BLOC1S3: variants seen among roughly 807,000 people sequenced by gnomAD.
The protein encoded by BLOC1S3 is biogenesis of lysosome-related organelles complex 1 subunit 3.
Under a neutral mutation model 9.1 loss-of-function variants are expected in BLOC1S3, and 7 were observed. The ratio of observed to expected loss-of-function variants is 0.77; its 90% CI spans 0.44 to 1.45. The LOEUF (loss-of-function observed/expected upper bound fraction) is 1.45, where lower values mean the gene tolerates loss of function less well. Among genes scored for constraint, BLOC1S3 ranks in the 40% most tolerant of loss-of-function variants. The pLI is 0.01. For synonymous variants in BLOC1S3, 145 were observed against 158.4 expected (o/e 0.92, Z 0.64); for missense variants, 307 against 315.2 (o/e 0.97, Z 0.20).
chr19:45,213,105 C>G, intron 3 of BLOC1S3: 4 of 1,535,806 alleles, frequency 2.6e-6, no homozygotes, highest in Non-Finnish European at 3.5e-6. Flanking sequence ...GAGACGGAGG[C>G]CGGGGCCGAG....
At chr19:45,194,985 G>A (rs1416606006) in intron 2 of BLOC1S3, among the ~76,000 whole-genome samples, 3 of 149,432 alleles carry the variant, frequency 2.0e-5, no homozygotes, top group Non-Finnish European at 3.0e-5. Flanking sequence ...AGGCTGGAGT[G>A]CAATGACATG....
rs377601781 is a variant in BLOC1S3 at position 45,197,501 on chromosome 19, A to G, written n.181-4905A>G. ...GACTCTGTCTCAACAACAACCACCA[A>G]AAAAAAAGAAGAAGAAGAAAAAGAA... is the stretch of plus-strand genomic sequence containing the variant. On this transcript the variant is annotated intron_variant and non_coding_transcript_variant, in intron 2 of 3. Coordinates refer to the BLOC1S3 transcript ENST00000591569. Among the ~76,000 whole-genome samples the G allele has an allele frequency of 6.4e-4, 97 of 150,438 alleles. 4 individuals are homozygous for G. In the East Asian group the frequency reaches 0.015, roughly 23 times the overall value.
At chr19:45,178,967 T>C (rs1171906698) in intron 1 of BLOC1S3, 136 bp downstream of exon 1, 1 of 267,294 alleles carries the variant, frequency 3.7e-6, no homozygotes, top group African/African-American at 2.2e-5. Flanking sequence ...GGTCTGAGAT[T>C]GGCATGGTGG....
intron 3 of BLOC1S3, among the ~76,000 whole-genome samples, chr19:45,209,712 TGCC>T: frequency 1.3e-5 from 2 of 151,654 alleles, no homozygotes; most frequent in Non-Finnish European, 2.9e-5. Context: ...TGAGCCACCA[TGCC>T]CGGCCTATTT....
intron 3 of BLOC1S3, among the ~76,000 whole-genome samples, chr19:45,205,213 T>A (rs902399001): frequency 6.6e-6 from 1 of 152,012 alleles, no homozygotes; most frequent in African/African-American, 2.4e-5. Flanking sequence ...TCGCCCAGAC[T>A]GGAGTACAGT....
At chr19:45,216,015 G>T in intron 3 of BLOC1S3, 1 of 1,599,232 alleles carries the variant, frequency 6.3e-7, no homozygotes. Flanking sequence ...CGGATGCCAA[G>T]GCCGCCAGGA....
At chr19:45,185,833 C>A (rs111275953), downstream of BLOC1S3, among the ~76,000 whole-genome samples, 351 of 152,004 alleles carry the variant, frequency 2.3e-3, 1 homozygote, top group African/African-American at 8.2e-3. Context: ...CTAGATGGGT[C>A]AGGTGCGGTG....
intron 3 of BLOC1S3, among the ~76,000 whole-genome samples, chr19:45,216,409 T>C (rs895060638): frequency 6.6e-6 from 1 of 151,684 alleles, no homozygotes; most frequent in African/African-American, 2.4e-5. Context: ...TGAAACCCCA[T>C]CTCTACTAAA....
chr19:45,179,450 A>C lies in BLOC1S3; in HGVS notation c.154A>C (p.Thr52Pro), dbSNP rs968002575. The change falls in exon 2 of 2, where the codon ACG becomes CCG. Residue 52 changes from threonine to proline, a missense_variant. By Grantham distance (38) the Thr-to-Pro change is conservative. Coordinates refer to ENST00000433642, the MANE Select transcript of BLOC1S3 (RefSeq NM_212550.5). This position sits in a 1 kb window ranked among gnomAD's most constrained non-coding sequence, Gnocchi z 4.6. ...GPSGPTRGRP[T>P]GLRVAGEAAE... is the part of the protein sequence containing the mutation. ...TTCGGGCCCGACGCGCGGCCGCCCCACGGGGCTGCGGGTGGCTGGGGAAGC... is the reference window on the plus strand; with the variant it reads ...TTCGGGCCCGACGCGCGGCCGCCCCCCGGGGCTGCGGGTGGCTGGGGAAGC... 89 of 1,526,914 alleles carry C rather than the reference A, an allele frequency of 5.8e-5. No individual in the cohort carries two copies. The highest frequency in any genetic ancestry group is 7.2e-5 in the Non-Finnish European group (82 of 1,143,120). 94.6% of individuals were successfully genotyped at this position (1,526,914 alleles called of 1,614,324 possible).
chr19:45,188,882 A>G (rs1358762775), intron 2 of BLOC1S3, among the ~76,000 whole-genome samples: 1 of 150,250 alleles, frequency 6.7e-6, no homozygotes, highest in Non-Finnish European at 1.5e-5. Flanking sequence ...TATTATTATT[A>G]TTACTATTTT....
intron 2 of BLOC1S3, among the ~76,000 whole-genome samples, chr19:45,197,507 AAG>A (rs1491075461): frequency 2.8e-4 from 39 of 138,800 alleles, no homozygotes; most frequent in African/African-American, 9.8e-4. Flanking sequence ...ACCAAAAAAA[AAG>A]AAGAAGAAGA....
At chr19:45,194,453 T>C (rs1478572323) in intron 2 of BLOC1S3, among the ~76,000 whole-genome samples, 1 of 152,106 alleles carries the variant, frequency 6.6e-6, no homozygotes, top group African/African-American at 2.4e-5. Context: ...AAAAACAGAC[T>C]AATACACCCG....
downstream of BLOC1S3, among the ~76,000 whole-genome samples, chr19:45,185,095 G>A (rs1032951691): frequency 2.0e-5 from 3 of 152,012 alleles, no homozygotes; most frequent in African/African-American, 7.3e-5. Context: ...TTGTCCTGCA[G>A]TAGGTAAGAA....
chr19:45,208,270 C>CACACACCACACCACA (rs1969742455), intron 3 of BLOC1S3, among the ~76,000 whole-genome samples: 1 of 152,006 alleles, frequency 6.6e-6, no homozygotes, highest in Non-Finnish European at 1.5e-5. Context: ...CCACACCCAG[C>CACACACCACACCACA]CTCTCTTTTT....
At chr19:45,195,912 CAT>C (rs1033554754) in intron 2 of BLOC1S3, among the ~76,000 whole-genome samples, 7 of 152,098 alleles carry the variant, frequency 4.6e-5, no homozygotes, top group African/African-American at 1.7e-4. Context: ...TTCAAGTAGT[CAT>C]ATGTCTTGGA....
rs377178343 is a variant in BLOC1S3 at position 45,179,926 on chromosome 19, C to G, written c.*21C>G. ...CCTAGCCATGATTCTACTTCCCAACCTGACTGCAATTTGGGGGTAGGCCTT... is the reference window on the plus strand; with the variant it reads ...CCTAGCCATGATTCTACTTCCCAACGTGACTGCAATTTGGGGGTAGGCCTT... On this transcript the variant is annotated 3_prime_UTR_variant, in exon 2 of 2. Coordinates refer to ENST00000433642, the MANE Select transcript of BLOC1S3 (RefSeq NM_212550.5). The surrounding 1 kb of genome is among the most constrained non-coding windows in gnomAD (Gnocchi z 4.6). 1.9e-6 allele frequency: 3 copies of G among 1,603,208 alleles called. No individual in the cohort carries two copies. The highest frequency in any genetic ancestry group is 2.7e-5 in the African/African-American group (2 of 73,708).
In BLOC1S3 at chr19:45,179,922, C is replaced by T. The variant is rs368261458; in HGVS notation, c.*17C>T. 1.9e-6 allele frequency: 3 copies of T among 1,604,188 alleles called. No homozygotes were observed. The highest frequency in any genetic ancestry group is 2.6e-6 in the Non-Finnish European group (3 of 1,175,618). On this transcript the variant is annotated 3_prime_UTR_variant, in exon 2 of 2. Coordinates refer to ENST00000433642, the MANE Select transcript of BLOC1S3 (RefSeq NM_212550.5). This position sits in a 1 kb window ranked among gnomAD's most constrained non-coding sequence, Gnocchi z 4.6. ...CGGGCCTAGCCATGATTCTACTTCC[C>T]AACCTGACTGCAATTTGGGGGTAGG...
At chr19:45,204,292 C>T (rs550083859) in intron 3 of BLOC1S3, among the ~76,000 whole-genome samples, 17 of 151,168 alleles carry the variant, frequency 1.1e-4, no homozygotes, top group African/African-American at 3.9e-4. Context: ...TGGGTTCAAG[C>T]GATTCTCCTG....
At chr19:45,205,176 G>A (rs945645253) in intron 3 of BLOC1S3, among the ~76,000 whole-genome samples, 11 of 152,030 alleles carry the variant, frequency 7.2e-5, no homozygotes, top group African/African-American at 2.7e-4. Flanking sequence ...TTGTGTGTGT[G>A]TGTGTGTGAG....
Sources: gnomAD v4.1 joint callset for allele counts (sites outside exome capture counted in the v4.1 genomes callset) on GRCh38, gnomAD v4.1.1 for gene constraint, Gnocchi (gnomAD v3.1) non-coding constraint, MANE v1.5 for transcripts, NCBI Gene and HGNC (gene_info 2026-07-23, HGNC 2026-07-21) for gene names.